Variants in TRAPPC11 observed in about 807,000 individuals in gnomAD.
TRAPPC11 encodes trafficking protein particle complex subunit 11, also known as foie gras homolog.
TRAPPC11 carries 104 observed loss-of-function variants against 151.2 expected under a neutral mutation model. The observed-to-expected ratio is 0.69, with a 90% CI of 0.59 to 0.81. TRAPPC11 has a LOEUF of 0.81. Ranked by LOEUF, TRAPPC11 falls within the 30% of genes least tolerant of loss-of-function variation. The pLI, the probability that TRAPPC11 is intolerant of heterozygous loss-of-function variation, is 0.00. For synonymous variants in TRAPPC11, 456 were observed against 472.3 expected (o/e 0.97, Z 0.45); for missense variants, 1,230 against 1,349.6 (o/e 0.91, Z 1.39).
intron 2 of TRAPPC11, among the ~76,000 whole-genome samples, chr4:183,664,514 G>C (rs577307042): frequency 8.5e-5 from 13 of 152,132 alleles, no homozygotes; most frequent in Non-Finnish European, 1.8e-4. Flanking sequence ...AGTGAGACAG[G>C]TTCCCTATTC....
intron 19 of TRAPPC11, 55 bp from the exon 20 acceptor site, chr4:183,692,905 A>T (rs910683628): frequency 4.1e-5 from 62 of 1,497,074 alleles, no homozygotes; most frequent in Non-Finnish European, 5.2e-5. Flanking sequence ...GTGAGAGGAG[A>T]TGGTGACAAG....
In TRAPPC11 at chr4:183,702,028, G is replaced by A. The variant is rs573713788; in HGVS notation, c.2963+220G>A. Among the ~76,000 whole-genome samples, 3 of 152,270 alleles carry A rather than the reference G, an allele frequency of 2.0e-5. No homozygotes were observed. The South Asian group carries it at 6.2e-4, about 32-fold the overall frequency. On this transcript the variant is annotated intron_variant, in intron 26 of 29. Transcript: ENST00000334690. ...TTAAAATTTTAGCCAAACTAAATCTGTACACAAAGGGTGTATGTATAAGAA... is the reference window on the plus strand; with the variant it reads ...TTAAAATTTTAGCCAAACTAAATCTATACACAAAGGGTGTATGTATAAGAA...
chr4:183,703,460 G>C (rs745463365), intron 26 of TRAPPC11, among the ~76,000 whole-genome samples: 1 of 152,042 alleles, frequency 6.6e-6, no homozygotes, highest in African/African-American at 2.4e-5. Context: ...CATTTTAAAG[G>C]CACTGCTGAA....
intron 25 of TRAPPC11, among the ~76,000 whole-genome samples, chr4:183,700,440 T>G (rs1296670403): frequency 6.6e-6 from 1 of 152,248 alleles, no homozygotes; most frequent in Non-Finnish European, 1.5e-5. Flanking sequence ...TTTGTTGTTA[T>G]TCCTTTGGAG....
intron 25 of TRAPPC11, among the ~76,000 whole-genome samples, chr4:183,699,833 G>GTT (rs928583640): frequency 6.2e-5 from 9 of 144,724 alleles, no homozygotes; most frequent in African/African-American, 2.3e-4. Flanking sequence ...ATGTTAATTG[G>GTT]TTTTTTTTTT....
chr4:183,697,963 G>A (rs752062230), intron 25 of TRAPPC11, 128 bp downstream of exon 25: 13 of 788,428 alleles, frequency 1.6e-5, no homozygotes, highest in Admixed American at 9.1e-5. Flanking sequence ...ACCTGCACTC[G>A]TGAAAGCAAA....
intron 10 of TRAPPC11, among the ~76,000 whole-genome samples, chr4:183,680,538 C>T (rs2111349823): frequency 6.6e-6 from 1 of 152,260 alleles, no homozygotes; most frequent in South Asian, 2.1e-4. Context: ...TTAAAAGCCA[C>T]ATTTTCATCC....
intron 1 of TRAPPC11, 118 bp from the exon 2 acceptor site, chr4:183,663,729 A>G (rs1038621839): frequency 4.9e-6 from 3 of 612,580 alleles, no homozygotes; most frequent in Middle Eastern, 8.8e-4. Flanking sequence ...GGAAATGAAT[A>G]TGAGTTGTTT....
At chr4:183,691,269 G>T in intron 18 of TRAPPC11, 47 bp from the exon 19 acceptor site, 1 of 1,412,268 alleles carries the variant, frequency 7.1e-7, no homozygotes. Context: ...TGGCATTTAG[G>T]GTTAGCAGAC....
rs771769746 is a variant in TRAPPC11 at position 183,684,725 on chromosome 4, G to A, written c.1451G>A (p.Arg484Gln). 1.4e-5 allele frequency: 23 copies of A among 1,613,666 alleles called. No homozygotes were observed. The East Asian group carries it at 2.7e-4, about 19-fold the overall frequency. ...KLLDYVMCDY[R>Q]SEGWWTLLTS... Reference sequence around the variant, plus strand: ...CTGGATTATGTGATGTGTGATTATCGGAGTGAAGGATGGTGGACTCTGCTC... The same window carrying A: ...CTGGATTATGTGATGTGTGATTATCAGAGTGAAGGATGGTGGACTCTGCTC... Residue 484 changes from arginine (R) to glutamine (Q), a missense_variant, in exon 15 of 30, where the codon CGG becomes CAG. By Grantham distance (43) the Arg-to-Gln change is conservative (BLOSUM62 1). Coordinates refer to ENST00000334690, the MANE Select transcript of TRAPPC11 (RefSeq NM_021942.6).
intron 11 of TRAPPC11, among the ~76,000 whole-genome samples, chr4:183,683,299 A>G (rs1474195730): frequency 6.6e-6 from 1 of 152,236 alleles, no homozygotes; most frequent in South Asian, 2.1e-4. Flanking sequence ...ATATTACCTT[A>G]AAAACAATTT....
chr4:183,694,262 G>A (rs1342531204), intron 22 of TRAPPC11, among the ~76,000 whole-genome samples: 2 of 152,092 alleles, frequency 1.3e-5, no homozygotes, highest in Non-Finnish European at 2.9e-5. Flanking sequence ...ATGAATTAGT[G>A]GGCTAATAAA....
chr4:183,665,763 C>A (rs1267781615), intron 2 of TRAPPC11, among the ~76,000 whole-genome samples: 2 of 152,322 alleles, frequency 1.3e-5, no homozygotes, highest in East Asian at 3.9e-4. Flanking sequence ...GAATTGTTCT[C>A]TGCTTTGTAC....
intron 26 of TRAPPC11, among the ~76,000 whole-genome samples, chr4:183,704,548 G>A (rs1365768852): frequency 2.0e-5 from 3 of 150,636 alleles, no homozygotes; most frequent in African/African-American, 7.3e-5. Context: ...TTGGCCAGGC[G>A]CATGCCTGTA....
chr4:183,697,380 C>A, intron 23 of TRAPPC11, 123 bp from the exon 24 acceptor site: 1 of 867,762 alleles, frequency 1.2e-6, no homozygotes, highest in Non-Finnish European at 1.8e-6. Context: ...ATCTAAAAGG[C>A]CTTTACTTCT....
At chr4:183,701,623 T>G in intron 25 of TRAPPC11, 74 bp from the exon 26 acceptor site, 1 of 994,766 alleles carries the variant, frequency 1.0e-6, no homozygotes, top group East Asian at 2.4e-5. Context: ...TTCTTTGTTC[T>G]GTTACTTGGA....
At chr4:183,709,590 A>G (rs1322547290) in intron 29 of TRAPPC11, among the ~76,000 whole-genome samples, 4 of 152,144 alleles carry the variant, frequency 2.6e-5, no homozygotes, top group Non-Finnish European at 4.4e-5. Context: ...CCTGGCTAAC[A>G]TGGTGAAACC....
chr4:183,681,358 T>C (rs1282225351), intron 10 of TRAPPC11, among the ~76,000 whole-genome samples: 1 of 152,146 alleles, frequency 6.6e-6, no homozygotes, highest in Non-Finnish European at 1.5e-5. Context: ...ATTTGTAATT[T>C]TATTGTGTGT....
chr4:183,684,705 T>G lies in TRAPPC11; in HGVS notation c.1431T>G (p.Asp477Glu), dbSNP rs1735875545. The change falls in exon 15 of 30, where the codon GAT becomes GAG. Residue 477 changes from aspartate (D) to glutamate (E), a missense_variant. Coordinates refer to ENST00000334690, the MANE Select transcript of TRAPPC11 (RefSeq NM_021942.6). ...TTTTGTCTTCTTTGAGGTTGCTGGA[T>G]TATGTGATGTGTGATTATCGGAGTG... Reference protein sequence around the residue: ...KDYTKALKLLDYVMCDYRSEG... With the variant: ...KDYTKALKLLEYVMCDYRSEG... 3 of 1,613,834 alleles carry G rather than the reference T, an allele frequency of 1.9e-6. No homozygotes were observed. In the African/African-American group the frequency reaches 4.0e-5, roughly 22 times the overall value.
Sources: allele counts gnomAD v4.1 joint callset (sites outside exome capture counted in the v4.1 genomes callset), GRCh38; gene constraint gnomAD v4.1.1; transcripts MANE v1.5; gene names NCBI Gene and HGNC (gene_info 2026-07-23, HGNC 2026-07-21).